The following SLC25A12 variants were observed in gnomAD, a reference collection of about 807,000 sequenced individuals.
SLC25A12 encodes solute carrier family 25 member 12.
A neutral mutation model predicts 83.3 loss-of-function variants in SLC25A12; 32 were observed. That is an observed-to-expected ratio of 0.38 (90% CI 0.29 to 0.52). The LOEUF (loss-of-function observed/expected upper bound fraction) is 0.52, where lower values mean the gene tolerates loss of function less well. Ranked by LOEUF, SLC25A12 falls within the 20% of genes least tolerant of loss-of-function variation. The pLI is 0.84. For missense variants in SLC25A12, 611 were observed against 835.6 expected (o/e 0.73, Z 3.31); for synonymous variants, 267 against 291.1 (o/e 0.92, Z 0.84).
intron 6 of SLC25A12, among the ~76,000 whole-genome samples, chr2:171,836,333 G>A (rs1684555449): frequency 1.3e-5 from 2 of 152,148 alleles, no homozygotes; most frequent in South Asian, 4.1e-4. Context: ...AAAACAAGCA[G>A]TAATCAAAAA....
At chr2:171,861,597 G>A (rs1042445234) in intron 3 of SLC25A12, among the ~76,000 whole-genome samples, 5 of 152,032 alleles carry the variant, frequency 3.3e-5, no homozygotes, top group African/African-American at 1.2e-4. Flanking sequence ...TTGTATAGAC[G>A]GGGTTTTGCT....
At chr2:171,844,160 G>T (rs1452096931) in intron 5 of SLC25A12, among the ~76,000 whole-genome samples, 1 of 152,152 alleles carries the variant, frequency 6.6e-6, no homozygotes, top group Admixed American at 6.6e-5. Flanking sequence ...AAAAGTAGAA[G>T]TGCTTTACTA....
intron 9 of SLC25A12, among the ~76,000 whole-genome samples, chr2:171,821,069 G>A (rs965337573): frequency 1.9e-5 from 2 of 106,504 alleles, no homozygotes; most frequent in Middle Eastern, 0.012. Flanking sequence ...TCCCTCTGTT[G>A]CCCAGGCTAA....
At chr2:171,810,402 A>G (rs1419911179) in intron 11 of SLC25A12, 126 bp from the exon 12 acceptor site, 3 of 800,322 alleles carry the variant, frequency 3.7e-6, no homozygotes, top group Non-Finnish European at 4.5e-6. Flanking sequence ...TTAAAATGGG[A>G]AAAAGATTAT....
At position 171,875,083 on chromosome 2, in the gene SLC25A12, G is replaced by A. The variant is rs569175192; in HGVS notation, c.67-6260C>T. Among the ~76,000 whole-genome samples the A allele has an allele frequency of 3.2e-4, 48 of 152,202 alleles. 1 individual carries two copies. The highest frequency in any genetic ancestry group is 9.6e-5 in the African/African-American group (4 of 41,512). ...CTTAGCCTCTGATTGGTTGCTTTCC[G>A]CAACCAATCAGATGTTTGTACGGGA... On this transcript the variant is annotated intron_variant, in intron 2 of 17. Coordinates refer to ENST00000422440, the MANE Select transcript of SLC25A12 (RefSeq NM_003705.5).
rs527238598 is a variant in SLC25A12, at chr2:171,881,199, C to A, written c.66+12006G>T. 2.2e-3 allele frequency among the ~76,000 whole-genome samples: 342 copies of A among 152,142 alleles called. 2 individuals are homozygous for A. Among genetic ancestry groups the A allele is most frequent in the Non-Finnish European group, 4.0e-3 (270 of 68,008 alleles). ...ACGGAGTCTCACTCAGCCACCCAGG[C>A]TGGAGTGGAGTGGTGTGATCTCAGC... is the stretch of plus-strand genomic sequence containing the variant. On this transcript the variant is annotated intron_variant, in intron 2 of 17. Transcript: ENST00000422440.
chr2:171,836,786 T>C lies in SLC25A12; in HGVS notation c.612+335A>G, dbSNP rs369445770. Among the ~76,000 whole-genome samples, 54 of 152,318 alleles carry C rather than the reference T, an allele frequency of 3.5e-4. No homozygotes were observed. The East Asian group carries it at 0.01, about 29-fold the overall frequency. On this transcript the variant is annotated intron_variant, in intron 6 of 17. Transcript: ENST00000422440. Reference sequence around the variant, plus strand: ...AAAAGTAATTGCTCACCCTTGTCTATAAACTCTTGTTTCCCTTGAACTGGA... The same window carrying C: ...AAAAGTAATTGCTCACCCTTGTCTACAAACTCTTGTTTCCCTTGAACTGGA...
intron 15 of SLC25A12, chr2:171,788,217 A>C (rs922661374): frequency 5.4e-6 from 2 of 372,192 alleles, no homozygotes; most frequent in Non-Finnish European, 9.8e-6. Context: ...AGAGAAAAAA[A>C]AAGTAGCAAT....
intron 10 of SLC25A12, among the ~76,000 whole-genome samples, chr2:171,814,896 A>C (rs1406523998): frequency 6.6e-6 from 1 of 152,176 alleles, no homozygotes; most frequent in East Asian, 1.9e-4. Flanking sequence ...CCAGACTTTC[A>C]CATCATTACA....
chr2:171,893,063 G>A (rs1303053521), intron 2 of SLC25A12, 142 bp downstream of exon 2: 2 of 612,964 alleles, frequency 3.3e-6, no homozygotes, highest in Middle Eastern at 2.7e-4. Flanking sequence ...CTTATTAAGA[G>A]AAGTATAAGC....
chr2:171,886,786 A>G (rs1043604990), intron 2 of SLC25A12, among the ~76,000 whole-genome samples: 1 of 152,222 alleles, frequency 6.6e-6, no homozygotes, highest in Non-Finnish European at 1.5e-5. Context: ...CTGGGATTAC[A>G]GGCATGAGCC....
At chr2:171,868,259 T>C (rs1046442256) in intron 3 of SLC25A12, among the ~76,000 whole-genome samples, 1 of 151,744 alleles carries the variant, frequency 6.6e-6, no homozygotes, top group Non-Finnish European at 1.5e-5. Flanking sequence ...TAATTACATG[T>C]TTACTAATAT....
intron 8 of SLC25A12, among the ~76,000 whole-genome samples, chr2:171,830,658 T>C (rs1411054957): frequency 1.3e-5 from 2 of 152,118 alleles, no homozygotes; most frequent in Non-Finnish European, 2.9e-5. Context: ...GGATTACAGA[T>C]GCACACCACC....
At position 171,793,740 on chromosome 2, in the gene SLC25A12, T is replaced by C. The variant is rs747756273; in HGVS notation, c.1333A>G (p.Asn445Asp). 1 of 1,614,172 alleles carries C rather than the reference T, an allele frequency of 6.2e-7. No homozygotes were observed. Among genetic ancestry groups the C allele is most frequent in the Non-Finnish European group, 8.5e-7 (1 of 1,180,030 alleles). ...CGAATCTTCACTATCTCCAATGGGT[T>C]GGTAAAAATGACCTGAGAGCCTCCA... ...CAGGSQVIFT[N>D]PLEIVKIRLQ... is the part of the protein sequence containing the mutation. The change falls in exon 14 of 18, where the codon AAC becomes GAC. Residue 445 changes from asparagine (N) to aspartate (D), a missense_variant. Physicochemically the swap from Asn to Asp is conservative, Grantham distance 23. This residue lies in a region of SLC25A12 where 540 missense variants were observed against 777.5 expected (regional missense o/e 0.69). Coordinates refer to ENST00000422440, the MANE Select transcript of SLC25A12 (RefSeq NM_003705.5).
Position 171,810,252 on chromosome 2 carries a change from A to G in SLC25A12, c.1196T>C (p.Val399Ala). Residue 399 changes from valine (V) to alanine (A), a missense_variant, in exon 12 of 18, where the codon GTT becomes GCT. Coordinates refer to ENST00000422440, the MANE Select transcript of SLC25A12 (RefSeq NM_003705.5). Reference protein sequence around the residue: ...YRGLIPQLIGVAPEKAIKLTV... With the variant: ...YRGLIPQLIGAAPEKAIKLTV... ...CAGTTTAATGGCCTTTTCTGGAGCAACCCCTATAAGTTGTGGTATCAGACC... is the reference window on the plus strand; with the variant it reads ...CAGTTTAATGGCCTTTTCTGGAGCAGCCCCTATAAGTTGTGGTATCAGACC... The G allele has an allele frequency of 6.2e-7, 1 of 1,613,626 alleles. No homozygotes were observed. Among genetic ancestry groups the G allele is most frequent in the Non-Finnish European group, 8.5e-7 (1 of 1,179,608 alleles).
chr2:171,814,786 G>A (rs1257325908), intron 10 of SLC25A12, among the ~76,000 whole-genome samples: 1 of 152,020 alleles, frequency 6.6e-6, no homozygotes, highest in Non-Finnish European at 1.5e-5. Flanking sequence ...GGATAATAGC[G>A]AATCTCAATT....
intron 3 of SLC25A12, among the ~76,000 whole-genome samples, chr2:171,860,852 G>C (rs1278507631): frequency 6.6e-6 from 1 of 152,014 alleles, no homozygotes; most frequent in Non-Finnish European, 1.5e-5. Flanking sequence ...AAGGCCAAAG[G>C]GGGAGGATTG....
chr2:171,812,061 G>C (rs996111256), intron 11 of SLC25A12, among the ~76,000 whole-genome samples: 4 of 152,114 alleles, frequency 2.6e-5, no homozygotes, highest in Non-Finnish European at 4.4e-5. Flanking sequence ...CCTTTCCACA[G>C]GGTACATGCT....
intron 3 of SLC25A12, among the ~76,000 whole-genome samples, chr2:171,862,745 T>A (rs1685190496): frequency 6.6e-6 from 1 of 152,176 alleles, no homozygotes; most frequent in Non-Finnish European, 1.5e-5. Context: ...CTATTTCACA[T>A]AACATATCTA....
Sources: gnomAD v4.1 joint callset for allele counts (sites outside exome capture counted in the v4.1 genomes callset) on GRCh38, gnomAD v4.1.1 for gene constraint, gnomAD v4.1.1 regional missense constraint, MANE v1.5 for transcripts, NCBI Gene and HGNC (gene_info 2026-07-23, HGNC 2026-07-21) for gene names.